The following SHTN1 variants were observed in gnomAD, a reference collection of about 807,000 sequenced individuals.
SHTN1 encodes shootin 1.
Under a neutral mutation model 83.1 loss-of-function variants are expected in SHTN1, and 42 were observed. That is an observed-to-expected ratio of 0.51 (90% CI 0.39 to 0.65). The LOEUF (loss-of-function observed/expected upper bound fraction) is 0.65. SHTN1 is among the 30% of genes least tolerant of loss of function. The probability of loss-of-function intolerance (pLI) is 0.00; values close to 1 mark genes in which losing one functional copy is unlikely to be tolerated. For missense variants in SHTN1, 622 were observed against 737.8 expected (o/e 0.84, Z 1.82); for synonymous variants, 224 against 247.7 (o/e 0.90, Z 0.90).
At chr10:116,960,260 C>A (rs1328708428) in intron 3 of SHTN1, 30 bp from the exon 4 acceptor site, 3 of 1,263,132 alleles carry the variant, frequency 2.4e-6, no homozygotes, top group Admixed American at 1.7e-5. Flanking sequence ...AAAATCTCAG[C>A]ATTCAAAGAT....
At chr10:117,117,902 T>A (rs1853871870) in intron 1 of SHTN1, among the ~76,000 whole-genome samples, 1 of 152,096 alleles carries the variant, frequency 6.6e-6, no homozygotes, top group Non-Finnish European at 1.5e-5. Context: ...CAAAATAGAT[T>A]AAAGACTTAA....
chr10:117,045,035 C>G (rs1163799915), intron 2 of SHTN1, among the ~76,000 whole-genome samples: 1 of 152,154 alleles, frequency 6.6e-6, no homozygotes, highest in African/African-American at 2.4e-5. Flanking sequence ...ATACTGACAA[C>G]TTACAAAACT....
rs78693227 is a variant in SHTN1, at chr10:117,094,144, C to T, written c.-189+32163G>A. Among the ~76,000 whole-genome samples, 434 of 152,232 alleles carry T rather than the reference C, an allele frequency of 2.9e-3. 2 individuals are homozygous for T. Among genetic ancestry groups the T allele is most frequent in the African/African-American group, 0.01 (418 of 41,516 alleles). On this transcript the variant is annotated intron_variant, in intron 1 of 17. Coordinates refer to the SHTN1 transcript ENST00000392901. ...TCTGCCACTATCTGAGGCACTACAC[C>T]GCTCTGATGAGAAAAATGTATTGCC... is the stretch of plus-strand genomic sequence containing the variant.
chr10:117,025,522 A>G (rs1852322353), intron 2 of SHTN1, among the ~76,000 whole-genome samples: 1 of 152,082 alleles, frequency 6.6e-6, no homozygotes, highest in South Asian at 2.1e-4. Context: ...GCCCAGAAAT[A>G]CTGAACTGGT....
intron 1 of SHTN1, among the ~76,000 whole-genome samples, chr10:117,117,602 G>A (rs1471302997): frequency 6.6e-6 from 1 of 152,076 alleles, no homozygotes; most frequent in Non-Finnish European, 1.5e-5. Context: ...TTAGCAAAAA[G>A]AACAATACTG....
intron 13 of SHTN1, among the ~76,000 whole-genome samples, chr10:116,913,808 AT>A (rs970102688): frequency 4.6e-5 from 7 of 152,242 alleles, no homozygotes; most frequent in South Asian, 2.1e-4. Context: ...GGCAGGTGCT[AT>A]CCCCATCTTG....
At chr10:116,928,070 A>AATGC (rs1848811327) in intron 10 of SHTN1, among the ~76,000 whole-genome samples, 179 bp from the exon 11 acceptor site, 2 of 152,232 alleles carry the variant, frequency 1.3e-5, no homozygotes, top group Non-Finnish European at 2.9e-5. Context: ...GTCTATTGCT[A>AATGC]ATGCAAGAGA....
At chr10:116,969,530 G>A (rs891102868) in intron 2 of SHTN1, among the ~76,000 whole-genome samples, 7 of 152,092 alleles carry the variant, frequency 4.6e-5, no homozygotes, top group East Asian at 3.9e-4. Context: ...CTCAGAATTC[G>A]GAATAGAGGA....
chr10:116,929,388 TATAG>T (rs1249064977), intron 10 of SHTN1, among the ~76,000 whole-genome samples: 25 of 152,304 alleles, frequency 1.6e-4, no homozygotes, highest in African/African-American at 5.8e-4. Flanking sequence ...TTAGGTACAA[TATAG>T]AAAGTATTAT....
intron 5 of SHTN1, among the ~76,000 whole-genome samples, chr10:116,952,246 T>C (rs1163102931): frequency 6.6e-6 from 1 of 152,168 alleles, no homozygotes; most frequent in East Asian, 1.9e-4. Flanking sequence ...ATGTACCAGA[T>C]CATGTTTTCT....
intron 1 of SHTN1, among the ~76,000 whole-genome samples, chr10:117,002,748 T>C (rs1417755481): frequency 1.3e-5 from 2 of 152,202 alleles, no homozygotes; most frequent in Non-Finnish European, 2.9e-5. Context: ...GGTTTTGAAA[T>C]GTATAAAAAT....
chr10:116,948,824 C>A lies in SHTN1; in HGVS notation c.616+92G>T. The A allele has an allele frequency of 3.8e-6, 3 of 782,090 alleles. No individual in the cohort carries two copies. The South Asian group carries it at 1.2e-4, about 31-fold the overall frequency. The allele number at this position is 782,090 out of a possible 1,614,324, so 48.4% of individuals were successfully genotyped here. A position where few individuals can be genotyped will look rare whatever the true frequency, so the allele number is the denominator to read the frequency against. On this transcript the variant is annotated intron_variant, in intron 7 of 16. Transcript: ENST00000355371. ...TATAGGAGAAGATTTTATTTACAGT[C>A]ATATTTAGGCACAGGTGTAAAATGA...
chr10:117,123,095 C>T (rs958793310), intron 1 of SHTN1, among the ~76,000 whole-genome samples: 23 of 151,300 alleles, frequency 1.5e-4, no homozygotes, highest in Admixed American at 5.3e-4. Flanking sequence ...CTCTGCCTCC[C>T]GGGTGCAAGC....
chr10:117,078,338 T>C (rs377127052), intron 1 of SHTN1, among the ~76,000 whole-genome samples: 3 of 152,180 alleles, frequency 2.0e-5, no homozygotes, highest in Non-Finnish European at 4.4e-5. Flanking sequence ...CTAAAGGTGA[T>C]TACCTGCCTG....
chr10:117,115,607 A>G (rs926008010), intron 1 of SHTN1, among the ~76,000 whole-genome samples: 4 of 152,212 alleles, frequency 2.6e-5, no homozygotes, highest in African/African-American at 9.6e-5. Flanking sequence ...CCAAACAGAT[A>G]AAGAAGTCTC....
chr10:116,960,311 AAGAAT>A (rs1386598375), intron 3 of SHTN1, 81 bp from the exon 4 acceptor site: 1 of 782,160 alleles, frequency 1.3e-6, no homozygotes, highest in Non-Finnish European at 2.2e-6. Context: ...TCCCATGATT[AAGAAT>A]ACTTCAATTC....
chr10:117,112,359 TG>T (rs373215068), intron 1 of SHTN1, among the ~76,000 whole-genome samples: 9 of 152,300 alleles, frequency 5.9e-5, no homozygotes, highest in Middle Eastern at 6.8e-3. Flanking sequence ...TCATCATTTA[TG>T]CATCTTTTCC....
In SHTN1 at chr10:117,071,852, T is replaced by C. The variant is rs17095640; in HGVS notation, c.-188-23342A>G. Reference sequence around the variant, plus strand: ...TCCTGTTGCAAATCCTGCTGTTGTATATGTCACTGCAAATTGTATTTGAGC... The same window carrying C: ...TCCTGTTGCAAATCCTGCTGTTGTACATGTCACTGCAAATTGTATTTGAGC... On this transcript the variant is annotated intron_variant, in intron 1 of 17. Transcript: ENST00000392901. Among the ~76,000 whole-genome samples the C allele has an allele frequency of 0.011, 1,731 of 152,164 alleles. 42 individuals are homozygous for C. In the East Asian group the frequency reaches 0.11, roughly 10 times the overall value.
At chr10:117,024,281 G>C (rs1384945911) in intron 2 of SHTN1, among the ~76,000 whole-genome samples, 1 of 151,384 alleles carries the variant, frequency 6.6e-6, no homozygotes, top group African/African-American at 2.4e-5. Context: ...ATTTTCTGGG[G>C]TTGTTAGTGT....
Sources: allele counts gnomAD v4.1 joint callset (sites outside exome capture counted in the v4.1 genomes callset), GRCh38; gene constraint gnomAD v4.1.1; transcripts MANE v1.5; gene names NCBI Gene and HGNC (gene_info 2026-07-23, HGNC 2026-07-21).